Variants in GLG1 observed in about 807,000 individuals in gnomAD.
GLG1 encodes golgi glycoprotein 1.
A neutral mutation model predicts 160.5 loss-of-function variants in GLG1; 38 were observed. The observed-to-expected ratio is 0.24, with a 90% confidence interval of 0.18 to 0.31. The LOEUF is 0.31. Ranked by LOEUF, GLG1 falls within the 10% of genes least tolerant of loss-of-function variation. The pLI is 1.00. For synonymous variants in GLG1, 644 were observed against 543.4 expected (o/e 1.19, Z -2.57); for missense variants, 1,373 against 1,505.2 (o/e 0.91, Z 1.45).
intron 2 of GLG1, among the ~76,000 whole-genome samples, chr16:74,525,610 T>A (rs1305423097): frequency 6.6e-6 from 1 of 150,380 alleles, no homozygotes; most frequent in Non-Finnish European, 1.5e-5. Flanking sequence ...ATTTCCTTAA[T>A]GACAATGATG....
intron 1 of GLG1, among the ~76,000 whole-genome samples, chr16:74,549,609 T>C (rs1033519398): frequency 5.3e-5 from 8 of 152,140 alleles, no homozygotes; most frequent in African/African-American, 1.9e-4. Flanking sequence ...TTTTTATACA[T>C]AGTGCCTAGC....
chr16:74,573,355 T>G (rs1191150028), intron 1 of GLG1, among the ~76,000 whole-genome samples: 1 of 152,122 alleles, frequency 6.6e-6, no homozygotes, highest in Non-Finnish European at 1.5e-5. Flanking sequence ...AATTGCTTTT[T>G]AAGTACAATA....
rs375514763 is a variant in GLG1, at chr16:74,605,017, G to A, written c.438+1640C>T. On this transcript the variant is annotated intron_variant, in intron 1 of 25. Transcript: ENST00000422840. ...GCCAAGTTCAAGCCACTGCACTCCA[G>A]CCTGGCGACAGAGTGAGACTCCATC... 3.3e-5 allele frequency among the ~76,000 whole-genome samples: 5 copies of A among 152,304 alleles called. No individual in the cohort carries two copies. In the South Asian group the frequency reaches 6.2e-4, roughly 19 times the overall value.
At chr16:74,480,495 T>C (rs2015559161) in intron 10 of GLG1, 101 bp from the exon 11 acceptor site, 3 of 735,180 alleles carry the variant, frequency 4.1e-6, no homozygotes, top group Non-Finnish European at 6.8e-6. Flanking sequence ...TACTCATTGA[T>C]AATCACTTCC....
chr16:74,575,928 C>T (rs1200072220), intron 1 of GLG1, among the ~76,000 whole-genome samples: 8 of 152,066 alleles, frequency 5.3e-5, no homozygotes, highest in South Asian at 4.1e-4. Flanking sequence ...TAGCCAGGCG[C>T]GGTGGTTCAC....
rs1303837498 is a variant in GLG1, at chr16:74,450,848, A to G, written c.*2319T>C. 9.6e-6 allele frequency: 1 copy of G among 104,428 alleles called. No individual in the cohort carries two copies. Among genetic ancestry groups the G allele is most frequent in the Non-Finnish European group, 2.3e-5 (1 of 43,484 alleles). 6.5% of individuals were successfully genotyped at this position (104,428 alleles called of 1,614,324 possible). On this transcript the variant is annotated 3_prime_UTR_variant, in exon 26 of 26. Transcript: ENST00000422840. ...GGGCAACAGAGAGATACTCTGTCTC[A>G]AAAAAAAAAAAAAAGACAGATGTTT...
intron 4 of GLG1, 82 bp from the exon 5 acceptor site, chr16:74,496,726 AC>A: frequency 1.3e-6 from 1 of 745,164 alleles, no homozygotes; most frequent in Non-Finnish European, 2.4e-6. Context: ...ACACACACAC[AC>A]ACACACACAC....
At chr16:74,498,303 G>A (rs1215134437) in intron 4 of GLG1, among the ~76,000 whole-genome samples, 1 of 149,192 alleles carries the variant, frequency 6.7e-6, no homozygotes, top group Non-Finnish European at 1.5e-5. Context: ...GTGGTGGTGT[G>A]CACCTGTAAT....
intron 16 of GLG1, 96 bp from the exon 17 acceptor site, chr16:74,469,159 G>A: frequency 1.3e-6 from 1 of 786,180 alleles, no homozygotes; most frequent in Admixed American, 1.9e-5. Flanking sequence ...AAGAATTCAA[G>A]ATGCCCTTTG....
Position 74,473,315 on chromosome 16 carries a change from GTGAT to G in GLG1, c.2053-908_2053-905del, listed in dbSNP as rs1436543578. ...TGCAACCTCCGCCTCCCGGGTTCAAGTGATCCTCCTGCCTCAGCCTCCCAAGTAC... is the reference window on the plus strand; with the variant it reads ...TGCAACCTCCGCCTCCCGGGTTCAAGCCTCCTGCCTCAGCCTCCCAAGTAC... On this transcript the variant is annotated intron_variant, in intron 13 of 25. Transcript: ENST00000422840. 2.0e-4 allele frequency among the ~76,000 whole-genome samples: 31 copies of G among 151,996 alleles called. 2 individuals carry two copies. In the South Asian group the frequency reaches 4.0e-3, roughly 19 times the overall value.
intron 19 of GLG1, among the ~76,000 whole-genome samples, 200 bp downstream of exon 19, chr16:74,465,476 C>T (rs373156917): frequency 2.0e-5 from 3 of 152,166 alleles, no homozygotes; most frequent in African/African-American, 7.2e-5. Flanking sequence ...AGGCAGACTT[C>T]GTGCTCTACT....
chr16:74,592,410 C>G (rs1958205461), intron 1 of GLG1, among the ~76,000 whole-genome samples: 1 of 152,174 alleles, frequency 6.6e-6, no homozygotes, highest in Non-Finnish European at 1.5e-5. Context: ...TCCCCAAGTG[C>G]TGAGAGCCAC....
intron 8 of GLG1, among the ~76,000 whole-genome samples, chr16:74,486,924 T>TC (rs36122087): frequency 0.13 from 19,770 of 149,564 alleles, 1,467 homozygotes; most frequent in Middle Eastern, 0.18. Context: ...CTTTTTTTTT[T>TC]CCCCCCCGAG....
In GLG1 at chr16:74,606,802, G is replaced by A. The variant is rs1830349041; in HGVS notation, c.293C>T (p.Pro98Leu). ...AGCCCCCGCTCCTCCCCGCCGGGCC[G>A]GAGGCCCACCCGCCGGGAAAGGCGG... The part of the protein sequence containing the change: ...PQPPFPAGGP[P>L]ARRGGAGAGG... The change falls in exon 1 of 26, where the codon CCG becomes CTG. Residue 98 changes from proline (P) to leucine (L), a missense_variant. This residue lies in a region of GLG1 where 322 missense variants were observed against 254.6 expected (regional missense o/e 1.26). Transcript: ENST00000422840. The A allele has an allele frequency of 6.3e-7, 1 of 1,594,922 alleles. No homozygotes were observed. The highest frequency in any genetic ancestry group is 1.1e-5 in the South Asian group (1 of 89,758).
At chr16:74,462,061 C>T in intron 22 of GLG1, 33 bp downstream of exon 22, 2 of 1,098,272 alleles carry the variant, frequency 1.8e-6, no homozygotes, top group Non-Finnish European at 2.8e-6. Context: ...CTGAGCAGCT[C>T]TGTGCGTAAC....
At chr16:74,540,552 AGGATT>A (rs974662276) in intron 1 of GLG1, among the ~76,000 whole-genome samples, 3 of 151,704 alleles carry the variant, frequency 2.0e-5, no homozygotes, top group African/African-American at 7.3e-5. Flanking sequence ...AAGAAACGTA[AGGATT>A]GTCTTGCAAT....
At chr16:74,455,928 G>T (rs1405197925) in intron 25 of GLG1, among the ~76,000 whole-genome samples, 1 of 152,192 alleles carries the variant, frequency 6.6e-6, no homozygotes, top group Non-Finnish European at 1.5e-5. Context: ...TGCACGAGAA[G>T]AACTGTTATT....
rs763432575 is a variant in GLG1 at position 74,470,088 on chromosome 16, G to A, written c.2230-15C>T. 7.1e-6 allele frequency: 11 copies of A among 1,547,736 alleles called. No individual in the cohort carries two copies. The highest frequency in any genetic ancestry group is 9.8e-6 in the Non-Finnish European group (11 of 1,121,288). ...TTCATCTGCACCTGAAAGGTAAAGA[G>A]AAAGAAAGTCAGAAGTTTTGTGGCA... On this transcript the variant is annotated splice_polypyrimidine_tract_variant and intron_variant, in intron 15 of 25. Transcript: ENST00000422840.
intron 1 of GLG1, among the ~76,000 whole-genome samples, chr16:74,591,677 C>T (rs12921903): frequency 0.71 from 107,960 of 151,974 alleles, 38,976 homozygotes; most frequent in African/African-American, 0.83. Context: ...CTGTCCTTAA[C>T]GTATGGCTAA....
Sources: gnomAD v4.1 joint callset for allele counts (sites outside exome capture counted in the v4.1 genomes callset) on GRCh38, gnomAD v4.1.1 for gene constraint, gnomAD v4.1.1 regional missense constraint, MANE v1.5 for transcripts, NCBI Gene and HGNC (gene_info 2026-07-23, HGNC 2026-07-21) for gene names.